CAMSAP1: variants seen among roughly 807,000 people sequenced by gnomAD.
CAMSAP1 encodes the protein calmodulin-regulated spectrin-associated protein 1.
CAMSAP1 carries 58 observed loss-of-function variants against 143.5 expected under a neutral mutation model. That is an observed-to-expected ratio of 0.40 (90% CI 0.33 to 0.50). The LOEUF (loss-of-function observed/expected upper bound fraction) is 0.50. CAMSAP1 is among the 20% of genes least tolerant of loss of function. The pLI, the probability that CAMSAP1 is intolerant of heterozygous loss-of-function variation, is 0.45. For synonymous variants in CAMSAP1, 945 were observed against 859.3 expected (o/e 1.10, Z -1.74); for missense variants, 1,969 against 2,115.7 (o/e 0.93, Z 1.36).
chr9:135,839,092 G>A (rs746159588), intron 7 of CAMSAP1, among the ~76,000 whole-genome samples: 10 of 152,234 alleles, frequency 6.6e-5, no homozygotes, highest in South Asian at 2.1e-4. Context: ...GACACACTTC[G>A]CTACACACTT....
intron 15 of CAMSAP1, 25 bp from the exon 16 acceptor site, chr9:135,815,240 A>G (rs773904820): frequency 6.6e-7 from 1 of 1,524,934 alleles, no homozygotes; most frequent in Admixed American, 1.9e-5. Context: ...CAGGGTTGGT[A>G]AAATTATTAT....
rs1390453023 is a variant in CAMSAP1 at position 135,810,863 on chromosome 9, CGA to C, written c.*444_*445del. ...AGATTGAGCCTCAGTCCCATAGTCA[CGA>C]GATTACAGCTGGCCAATATGAGGGT... On this transcript the variant is annotated 3_prime_UTR_variant, in exon 17 of 17. Transcript: ENST00000389532. 5 of 180,476 alleles carry C rather than the reference CGA, an allele frequency of 2.8e-5. No individual in the cohort carries two copies. Among genetic ancestry groups the C allele is most frequent in the Non-Finnish European group, 5.9e-5 (5 of 84,568 alleles). 11.2% of individuals were successfully genotyped at this position (180,476 alleles called of 1,614,324 possible). A position where few individuals can be genotyped will look rare whatever the true frequency, so the allele number is the denominator to read the frequency against.
rs1588445868 is a variant in CAMSAP1, at chr9:135,822,485, G to A, written c.2176C>T (p.His726Tyr). ...AGGAGAGTCCACGGCTCTGAATCGT[G>A]GGAGTTGGGGCTTTTTGAACAACTA... ...YVSCSKSPNSHDSEPWTLLRQ... is the reference protein window; with the variant it reads ...YVSCSKSPNSYDSEPWTLLRQ... Residue 726 changes from histidine (H) to tyrosine (Y), a missense_variant, in exon 11 of 17, where the codon CAC (histidine) becomes TAC (tyrosine). Around this residue, in one of 4 missense-constraint regions of CAMSAP1, gnomAD observed 1,390 missense variants for 1,420.8 expected, o/e 0.98. Transcript: ENST00000389532. This position sits in a 1 kb window ranked among gnomAD's most constrained non-coding sequence, Gnocchi z 6.1. 1 of 1,613,914 alleles carries A rather than the reference G, an allele frequency of 6.2e-7. No homozygotes were observed. The highest frequency in any genetic ancestry group is 2.2e-5 in the East Asian group (1 of 44,868).
intron 14 of CAMSAP1, among the ~76,000 whole-genome samples, chr9:135,816,430 T>C (rs955485462): frequency 1.3e-5 from 2 of 151,772 alleles, no homozygotes; most frequent in Non-Finnish European, 2.9e-5. Context: ...GCAGGCCGAG[T>C]CTGAAAACTT....
rs575265293 is a variant in CAMSAP1 at position 135,811,060 on chromosome 9, C to T, written c.*249G>A. On this transcript the variant is annotated 3_prime_UTR_variant, in exon 17 of 17. Transcript: ENST00000389532. The surrounding 1 kb of genome is among the most constrained non-coding windows in gnomAD (Gnocchi z 4.9). The stretch of plus-strand genomic sequence containing the variant: ...TCAGCAGTGGCCACAGCAGTGCGAG[C>T]CACTGCAAAAGCGGCATCTACTCCC... 2.8e-5 allele frequency: 15 copies of T among 539,200 alleles called. No individual in the cohort carries two copies. The African/African-American group carries it at 2.8e-4, about 10-fold the overall frequency. 33.4% of individuals were successfully genotyped at this position (539,200 alleles called of 1,614,324 possible). A position where few individuals can be genotyped will look rare whatever the true frequency, so the allele number is the denominator to read the frequency against.
At chr9:135,899,314 C>T (rs550475350) in intron 1 of CAMSAP1, among the ~76,000 whole-genome samples, 62 of 151,470 alleles carry the variant, frequency 4.1e-4, no homozygotes, top group Non-Finnish European at 7.8e-4. Flanking sequence ...AATGGCCGGG[C>T]GCGGTGGCTC....
intron 7 of CAMSAP1, among the ~76,000 whole-genome samples, chr9:135,848,344 C>G (rs1415136547): frequency 6.6e-6 from 1 of 152,054 alleles, no homozygotes; most frequent in African/African-American, 2.4e-5. Flanking sequence ...TAAAATAGTG[C>G]ACGCACACAC....
At chr9:135,900,474 A>G (rs1838582699) in intron 1 of CAMSAP1, among the ~76,000 whole-genome samples, 1 of 152,010 alleles carries the variant, frequency 6.6e-6, no homozygotes, top group Non-Finnish European at 1.5e-5. Context: ...TGGGCAGATC[A>G]CGAGGTCAGG....
chr9:135,900,415 C>G (rs991034082), intron 1 of CAMSAP1, among the ~76,000 whole-genome samples: 1 of 152,006 alleles, frequency 6.6e-6, no homozygotes, highest in African/African-American at 2.4e-5. Context: ...AAAAGAGGGC[C>G]GGGCACGGTG....
rs574970229 is a variant in CAMSAP1, at chr9:135,893,283, GAAA to G, written c.161-10208_161-10206del. ...AGATGAAAGAAAGAAAAGAAAAAAA[GAAA>G]AAAGGCAGGAAAGGCAGGAAGAAAG... is the stretch of plus-strand genomic sequence containing the variant. On this transcript the variant is annotated intron_variant, in intron 1 of 16. Transcript: ENST00000389532. Among the ~76,000 whole-genome samples the G allele has an allele frequency of 4.0e-3, 547 of 136,754 alleles. 5 individuals carry two copies. Among genetic ancestry groups the G allele is most frequent in the African/African-American group, 0.014 (503 of 37,064 alleles). 89.7% of individuals were successfully genotyped at this position (136,754 alleles called of 152,430 possible).
chr9:135,833,509 A>C (rs1440074640), intron 7 of CAMSAP1, among the ~76,000 whole-genome samples: 1 of 152,236 alleles, frequency 6.6e-6, no homozygotes, highest in Non-Finnish European at 1.5e-5. Flanking sequence ...AACAGAATTG[A>C]GGTATACGGT....
chr9:135,861,305 CTT>C (rs1187669849), intron 5 of CAMSAP1, among the ~76,000 whole-genome samples: 1 of 148,586 alleles, frequency 6.7e-6, no homozygotes, highest in East Asian at 2.0e-4. Context: ...CTCTCTCCTT[CTT>C]CCTTTTTTTT....
At chr9:135,846,860 G>A (rs537861376) in intron 7 of CAMSAP1, among the ~76,000 whole-genome samples, 4 of 152,128 alleles carry the variant, frequency 2.6e-5, no homozygotes, top group South Asian at 2.1e-4. Context: ...TTAGAATGGC[G>A]ATCATTAAAG....
At chr9:135,817,716 G>C in intron 14 of CAMSAP1, 1 of 413,972 alleles carries the variant, frequency 2.4e-6, no homozygotes, top group Admixed American at 3.9e-5. Flanking sequence ...GACTCAAAAC[G>C]ATGAAGAAGC....
In CAMSAP1 at chr9:135,823,037, G is replaced by A. The variant is rs780796498; in HGVS notation, c.1624C>T (p.Leu542Phe). 2 of 1,613,990 alleles carry A rather than the reference G, an allele frequency of 1.2e-6. No individual in the cohort carries two copies. The highest frequency in any genetic ancestry group is 8.5e-7 in the Non-Finnish European group (1 of 1,179,896). ...NVSIEDEEEE[L>F]VAIVRADVVP... Reference sequence around the variant, plus strand: ...ACGTCTGCTCTAACAATAGCCACAAGCTCCTCTTCCTCATCCTCAATACTG... The same window carrying A: ...ACGTCTGCTCTAACAATAGCCACAAACTCCTCTTCCTCATCCTCAATACTG... The change falls in exon 11 of 17, where the codon CTT (leucine) becomes TTT (phenylalanine). Residue 542 changes from leucine to phenylalanine, a missense_variant. Coordinates refer to ENST00000389532, the MANE Select transcript of CAMSAP1 (RefSeq NM_015447.4).
intron 1 of CAMSAP1, 64 bp from the exon 2 acceptor site, chr9:135,883,142 G>C: frequency 6.6e-7 from 1 of 1,523,002 alleles, no homozygotes; most frequent in Admixed American, 2.0e-5. Context: ...GGAGTTCAAG[G>C]CTGCAGTGAA....
chr9:135,857,214 G>A (rs1482247889), intron 5 of CAMSAP1, among the ~76,000 whole-genome samples: 1 of 152,184 alleles, frequency 6.6e-6, no homozygotes, highest in Non-Finnish European at 1.5e-5. Flanking sequence ...TCTACATTTT[G>A]TGTTGACTAA....
chr9:135,846,697 A>AT (rs1446974412), intron 7 of CAMSAP1, among the ~76,000 whole-genome samples: 7 of 151,862 alleles, frequency 4.6e-5, no homozygotes, highest in African/African-American at 1.4e-4. Flanking sequence ...AAAAAAAAAA[A>AT]AAAAAATCAA....
In CAMSAP1 at chr9:135,907,087, C is replaced by T; in HGVS notation, c.73G>A (p.Asp25Asn). Residue 25 changes from aspartate to asparagine, a missense_variant, in exon 1 of 17, where the codon GAC becomes AAC. By Grantham distance (23) the Asp-to-Asn change is conservative. Around this residue, in one of 4 missense-constraint regions of CAMSAP1, gnomAD observed 215 missense variants for 196.2 expected, o/e 1.10. Transcript: ENST00000389532. Reference sequence around the variant, plus strand: ...TCGTAGCGGTCCAGGGGCACGAGGTCGGCGGCGCCGTCCGGCGGGGCCTCC... The same window carrying T: ...TCGTAGCGGTCCAGGGGCACGAGGTTGGCGGCGCCGTCCGGCGGGGCCTCC... ...KMEAPPDGAA[D>N]LVPLDRYDAA... 3 of 1,153,684 alleles carry T rather than the reference C, an allele frequency of 2.6e-6. No homozygotes were observed. The highest frequency in any genetic ancestry group is 3.2e-6 in the Non-Finnish European group (3 of 933,818). The allele number at this position is 1,153,684 out of a possible 1,614,324, so 71.5% of individuals were successfully genotyped here.
Sources: gnomAD v4.1 joint callset for allele counts (sites outside exome capture counted in the v4.1 genomes callset) on GRCh38, gnomAD v4.1.1 for gene constraint, gnomAD v4.1.1 regional missense constraint, Gnocchi (gnomAD v3.1) non-coding constraint, MANE v1.5 for transcripts, NCBI Gene and HGNC (gene_info 2026-07-23, HGNC 2026-07-21) for gene names.